The following PRKCE variants were observed in gnomAD, a reference collection of about 807,000 sequenced individuals.
PRKCE encodes protein kinase C epsilon.
In PRKCE, 16 loss-of-function variants were observed where a neutral mutation model predicts 85.4. The ratio of observed to expected loss-of-function variants is 0.19; its 90% confidence interval spans 0.13 to 0.28. The LOEUF (loss-of-function observed/expected upper bound fraction) is 0.28, where lower values mean the gene tolerates loss of function less well. Among genes scored for constraint, PRKCE ranks in the 10% least tolerant of loss-of-function variants. The pLI, the probability that PRKCE is intolerant of heterozygous loss-of-function variation, is 1.00. For missense variants in PRKCE, 573 were observed against 975.2 expected (o/e 0.59, Z 5.49); for synonymous variants, 388 against 371.5 (o/e 1.04, Z -0.51).
intron 1 of PRKCE, among the ~76,000 whole-genome samples, chr2:45,816,604 A>G (rs1689064591): frequency 6.6e-6 from 1 of 152,176 alleles, no homozygotes; most frequent in Admixed American, 6.5e-5. Flanking sequence ...CCTTAGATTC[A>G]TGCCATATTT....
rs1283015398 is a variant in PRKCE at position 45,947,607 on chromosome 2, C to A, written c.413-28822C>A. ...TATTTGAACTTTTGCATATCATCAT[C>A]TGATCTTTGGCAGCTTGGAGACATC... On this transcript the variant is annotated intron_variant, in intron 2 of 14. Transcript: ENST00000306156. 2.6e-5 allele frequency among the ~76,000 whole-genome samples: 4 copies of A among 152,336 alleles called. No individual in the cohort carries two copies. In the East Asian group the frequency reaches 5.8e-4, roughly 22 times the overall value.
intron 2 of PRKCE, among the ~76,000 whole-genome samples, chr2:45,943,038 A>G (rs1053510929): frequency 6.6e-6 from 1 of 152,214 alleles, no homozygotes; most frequent in African/African-American, 2.4e-5. Flanking sequence ...TTTATTTCAC[A>G]TAATATTTCT....
At chr2:45,874,992 C>T (rs1335587039) in intron 2 of PRKCE, among the ~76,000 whole-genome samples, 1 of 152,058 alleles carries the variant, frequency 6.6e-6, no homozygotes, top group East Asian at 1.9e-4. Context: ...TAGATGTCGA[C>T]ATACTAAATA....
At chr2:46,029,477 G>A (rs144261035) in intron 10 of PRKCE, among the ~76,000 whole-genome samples, 332 of 152,254 alleles carry the variant, frequency 2.2e-3, no homozygotes, top group African/African-American at 7.5e-3. Context: ...TGGCTTGGAG[G>A]TGGGACCAAT....
At chr2:45,977,004 C>A (rs1365154791) in intron 3 of PRKCE, among the ~76,000 whole-genome samples, 1 of 151,910 alleles carries the variant, frequency 6.6e-6, no homozygotes, top group Non-Finnish European at 1.5e-5. Context: ...TCAAGTGATT[C>A]TCATGCCTCA....
chr2:46,072,550 AAC>A (rs1668166645), intron 10 of PRKCE, among the ~76,000 whole-genome samples: 1 of 152,240 alleles, frequency 6.6e-6, no homozygotes, highest in Non-Finnish European at 1.5e-5. Flanking sequence ...CAGCTATCTA[AAC>A]ACGGTCGGGA....
chr2:45,915,386 G>A (rs1697688834), intron 2 of PRKCE, among the ~76,000 whole-genome samples: 1 of 152,120 alleles, frequency 6.6e-6, no homozygotes, highest in Non-Finnish European at 1.5e-5. Flanking sequence ...TAAGATCGAT[G>A]GCATGAACTT....
At chr2:45,702,980 C>G (rs609573) in intron 1 of PRKCE, among the ~76,000 whole-genome samples, 111,502 of 151,744 alleles carry the variant, frequency 0.73, 41,103 homozygotes, top group East Asian at 0.81. Flanking sequence ...CGGCAGATAA[C>G]AGCCTTTCCT....
chr2:45,940,467 C>G (rs1699792517), intron 2 of PRKCE, among the ~76,000 whole-genome samples: 2 of 152,144 alleles, frequency 1.3e-5, no homozygotes, highest in Admixed American at 6.5e-5. Flanking sequence ...AATGTTGTTG[C>G]TGGTATATGC....
chr2:46,166,645 C>A (rs1678365818), intron 14 of PRKCE: 1 of 152,222 alleles, frequency 6.6e-6, no homozygotes, highest in Non-Finnish European at 1.5e-5. Flanking sequence ...CTTCCTTGAG[C>A]CTCCTTATCT....
chr2:45,852,080 T>G (rs1049796948), intron 2 of PRKCE: 2 of 152,332 alleles, frequency 1.3e-5, no homozygotes, highest in African/African-American at 4.8e-5. Flanking sequence ...TTTCCGGCAT[T>G]TAGCCTCCGC....
At chr2:45,910,482 T>C (rs1697307017) in intron 2 of PRKCE, among the ~76,000 whole-genome samples, 1 of 152,206 alleles carries the variant, frequency 6.6e-6, no homozygotes, top group South Asian at 2.1e-4. Context: ...AAGGATAACC[T>C]GGGAGCACCT....
chr2:46,176,712 C>T (rs1411501992), intron 14 of PRKCE, among the ~76,000 whole-genome samples: 1 of 152,070 alleles, frequency 6.6e-6, no homozygotes, highest in Non-Finnish European at 1.5e-5. Flanking sequence ...ATTTCACAAC[C>T]ACACCCCAAA....
intron 2 of PRKCE, among the ~76,000 whole-genome samples, chr2:45,902,219 C>T (rs533249701): frequency 1.3e-5 from 2 of 152,286 alleles, no homozygotes; most frequent in South Asian, 4.1e-4. Context: ...TCTCATCTCT[C>T]GTAGTGCATG....
At position 46,093,812 on chromosome 2, in the gene PRKCE, C is replaced by G. The variant is rs536724765; in HGVS notation, c.1592+7450C>G. On this transcript the variant is annotated intron_variant, in intron 11 of 14. Transcript: ENST00000306156. ...CCCACCTCCACAGCCCTATCACATACGCACACCCTTCCCAACCTCCCATCC... is the reference window on the plus strand; with the variant it reads ...CCCACCTCCACAGCCCTATCACATAGGCACACCCTTCCCAACCTCCCATCC... Among the ~76,000 whole-genome samples the G allele has an allele frequency of 3.3e-5, 5 of 152,212 alleles. No homozygotes were observed. The South Asian group carries it at 1.0e-3, about 32-fold the overall frequency.
At chr2:45,809,754 C>A (rs1427345788) in intron 1 of PRKCE, among the ~76,000 whole-genome samples, 1 of 151,402 alleles carries the variant, frequency 6.6e-6, no homozygotes, top group Non-Finnish European at 1.5e-5. Context: ...GTGGTGCATG[C>A]CTGTAATCCC....
At chr2:46,018,936 G>A (rs1258248967) in intron 10 of PRKCE, among the ~76,000 whole-genome samples, 1 of 152,238 alleles carries the variant, frequency 6.6e-6, no homozygotes, top group East Asian at 1.9e-4. Flanking sequence ...TGTTAGCAGT[G>A]AATGGACCGC....
intron 1 of PRKCE, among the ~76,000 whole-genome samples, chr2:45,711,105 T>C (rs1290715172): frequency 6.6e-6 from 1 of 152,054 alleles, no homozygotes; most frequent in African/African-American, 2.4e-5. Flanking sequence ...GAGCACGAAC[T>C]TTGCAGTCCC....
chr2:46,179,464 T>G (rs1349244804), intron 14 of PRKCE, among the ~76,000 whole-genome samples: 1 of 152,028 alleles, frequency 6.6e-6, no homozygotes, highest in African/African-American at 2.4e-5. Flanking sequence ...AACTCTTATT[T>G]CCTCCCTTCC....
Sources: allele counts gnomAD v4.1 joint callset (sites outside exome capture counted in the v4.1 genomes callset), GRCh38; gene constraint gnomAD v4.1.1; transcripts MANE v1.5; gene names NCBI Gene and HGNC (gene_info 2026-07-23, HGNC 2026-07-21).